Variants in FMN1 observed in about 807,000 individuals in gnomAD.
FMN1 encodes the protein formin 1.
In FMN1, 110 loss-of-function variants were observed where a neutral mutation model predicts 132.4. The ratio of observed to expected loss-of-function variants is 0.83; its 90% CI spans 0.71 to 0.97. FMN1 has a LOEUF of 0.97. Ranked by LOEUF, FMN1 falls within the 50% of genes least tolerant of loss-of-function variation. FMN1 has a pLI of 0.00. For synonymous variants in FMN1, 722 were observed against 651.7 expected, an observed-to-expected ratio of 1.11 and a Z score of -1.64; for missense variants, 1,792 against 1,705.3, an observed-to-expected ratio of 1.05 and a Z score of -0.90.
chr15:33,068,742 T>A (rs2037866216), intron 5 of FMN1, among the ~76,000 whole-genome samples: 1 of 152,150 alleles, frequency 6.6e-6, no homozygotes. Flanking sequence ...TGACTGCTGT[T>A]TTAGCTCTGC....
intron 4 of FMN1, among the ~76,000 whole-genome samples, chr15:33,148,681 C>A (rs1028719941): frequency 2.0e-5 from 3 of 152,208 alleles, no homozygotes; most frequent in Admixed American, 6.5e-5. Context: ...ACCACGCACG[C>A]CTTCCCTTGC....
At chr15:33,053,923 G>A (rs954774420) in intron 6 of FMN1, among the ~76,000 whole-genome samples, 7 of 152,046 alleles carry the variant, frequency 4.6e-5, no homozygotes, top group African/African-American at 1.7e-4. Flanking sequence ...TTCTTTCGGA[G>A]TTTTTAATGT....
rs1167260087 is a variant in FMN1, at chr15:32,979,029, T to A, written c.2224-9552A>T. ...TACATAAGACTCTAGGAGTACTGAC[T>A]AGAAAAATAGTTCCCGCAACTTTAC... On this transcript the variant is annotated intron_variant, in intron 7 of 20. Transcript: ENST00000616417. Among the ~76,000 whole-genome samples the A allele has an allele frequency of 2.0e-5, 3 of 152,278 alleles. No homozygotes were observed. The East Asian group carries it at 5.8e-4, about 29-fold the overall frequency.
At chr15:33,047,632 C>A (rs1381676401) in intron 6 of FMN1, among the ~76,000 whole-genome samples, 1 of 152,110 alleles carries the variant, frequency 6.6e-6, no homozygotes, top group African/African-American at 2.4e-5. Context: ...TTCGGTTTTG[C>A]ATGGTGTTAG....
At position 33,127,162 on chromosome 15, in the gene FMN1, TCAAA is replaced by T. The variant is rs572868252; in HGVS notation, c.1867+25882_1867+25885del. ...AGCAGACTTCCCATGTTACATTCTC[TCAAA>T]CAGAGAGGAGGTCAGGCCAGATCTG... On this transcript the variant is annotated intron_variant, in intron 4 of 20. Coordinates refer to ENST00000616417, the MANE Select transcript of FMN1 (RefSeq NM_001277313.2). 1.4e-3 allele frequency among the ~76,000 whole-genome samples: 194 copies of T among 135,712 alleles called. 1 individual carries two copies. The East Asian group carries it at 0.024, about 17-fold the overall frequency. The allele number at this position is 135,712 out of a possible 152,430, so 89.0% of individuals were successfully genotyped here. A position where few individuals can be genotyped will look rare whatever the true frequency, so the allele number is the denominator to read the frequency against.
chr15:33,077,447 G>T (rs1334002524), intron 5 of FMN1, among the ~76,000 whole-genome samples: 1 of 150,134 alleles, frequency 6.7e-6, no homozygotes, highest in Non-Finnish European at 1.5e-5. Flanking sequence ...CATGTGCCAC[G>T]TTGGTGTGCT....
chr15:32,771,529 T>G lies in FMN1; in HGVS notation c.*2781A>C, dbSNP rs2140841288. 1 of 152,364 alleles carries G rather than the reference T, an allele frequency of 6.6e-6. No homozygotes were observed. The highest frequency in any genetic ancestry group is 2.4e-5 in the African/African-American group (1 of 41,584). The allele number at this position is 152,364 out of a possible 1,614,324, so 9.4% of individuals were successfully genotyped here. On this transcript the variant is annotated 3_prime_UTR_variant, in exon 21 of 21. Transcript: ENST00000616417. ...TGTCAAACTGTGTCCTCAGATTTAA[T>G]GAATATTGTCTAAGAGGAGACAAAG...
chr15:33,015,055 G>A (rs1274081938), intron 6 of FMN1, among the ~76,000 whole-genome samples: 1 of 152,182 alleles, frequency 6.6e-6, no homozygotes, highest in Non-Finnish European at 1.5e-5. Context: ...AAACGCCTCA[G>A]GTTGAACAGC....
intron 12 of FMN1, among the ~76,000 whole-genome samples, chr15:32,907,244 A>C (rs1365625778): frequency 6.6e-6 from 1 of 152,074 alleles, no homozygotes; most frequent in South Asian, 2.1e-4. Context: ...AACTCACCAT[A>C]ATCTAGGATT....
chr15:33,089,422 A>G (rs958899440), intron 4 of FMN1, among the ~76,000 whole-genome samples: 2 of 152,228 alleles, frequency 1.3e-5, no homozygotes, highest in African/African-American at 4.8e-5. Flanking sequence ...ATCATTATGC[A>G]TGGTGCATAC....
At chr15:32,949,085 T>A (rs1001689766) in intron 9 of FMN1, among the ~76,000 whole-genome samples, 1 of 152,126 alleles carries the variant, frequency 6.6e-6, no homozygotes, top group Non-Finnish European at 1.5e-5. Flanking sequence ...CTTATCAGTA[T>A]TTTTGTTTTT....
At chr15:33,007,990 T>C in intron 7 of FMN1, 24 bp downstream of exon 7, 1 of 1,582,582 alleles carries the variant, frequency 6.3e-7, no homozygotes, top group East Asian at 2.3e-5. Context: ...ATAGAACCCG[T>C]TCAGTAGCAT....
chr15:33,118,070 CA>C (rs1450998278), intron 4 of FMN1, among the ~76,000 whole-genome samples: 1 of 152,158 alleles, frequency 6.6e-6, no homozygotes. Context: ...TGACTTTCCA[CA>C]AGAAGAAATC....
intron 4 of FMN1, among the ~76,000 whole-genome samples, chr15:33,129,664 C>A (rs1273629651): frequency 6.6e-6 from 1 of 152,178 alleles, no homozygotes; most frequent in Non-Finnish European, 1.5e-5. Flanking sequence ...TCAGGTCACA[C>A]AGCTGATCAC....
chr15:33,097,362 AAG>A (rs2039128197), intron 4 of FMN1, among the ~76,000 whole-genome samples: 1 of 151,958 alleles, frequency 6.6e-6, no homozygotes, highest in African/African-American at 2.4e-5. Flanking sequence ...AAAATACTTA[AAG>A]AAGTATTGGC....
intron 4 of FMN1, among the ~76,000 whole-genome samples, chr15:33,152,311 T>C (rs540966911): frequency 6.6e-6 from 1 of 152,338 alleles, no homozygotes; most frequent in South Asian, 2.1e-4. Context: ...GTAAGTCAAA[T>C]GAGCTCTTTA....
intron 15 of FMN1, among the ~76,000 whole-genome samples, chr15:32,891,076 T>G (rs1034899827): frequency 6.6e-6 from 1 of 152,228 alleles, no homozygotes; most frequent in Non-Finnish European, 1.5e-5. Flanking sequence ...CTGGGTTTTC[T>G]GTTCTGTTCC....
At chr15:32,936,000 T>C (rs1396110941) in intron 9 of FMN1, among the ~76,000 whole-genome samples, 4 of 152,174 alleles carry the variant, frequency 2.6e-5, no homozygotes, top group East Asian at 1.9e-4. Flanking sequence ...GATTCCTCCT[T>C]CTGCTTCATT....
chr15:32,873,023 T>A (rs745362930), intron 16 of FMN1, among the ~76,000 whole-genome samples: 2 of 152,196 alleles, frequency 1.3e-5, no homozygotes, highest in Non-Finnish European at 2.9e-5. Context: ...GGCTCCAGAA[T>A]CACTGGCAAA....
Sources: allele counts gnomAD v4.1 joint callset (sites outside exome capture counted in the v4.1 genomes callset), GRCh38; gene constraint gnomAD v4.1.1; transcripts MANE v1.5; gene names NCBI Gene and HGNC (gene_info 2026-07-23, HGNC 2026-07-21).